CSMD1: variants seen among roughly 807,000 people sequenced by gnomAD.
The protein encoded by CSMD1 is CUB and sushi domain-containing protein 1.
CSMD1 carries 213 observed loss-of-function variants against 417.5 expected under a neutral mutation model. The observed-to-expected ratio is 0.51, with a 90% CI of 0.46 to 0.57. The LOEUF is 0.57. Among genes scored for constraint, CSMD1 ranks in the 20% least tolerant of loss-of-function variants. The pLI is 0.00. For missense variants in CSMD1, 6,923 were observed against 4,529.7 expected (o/e 1.53, Z -15.17); for synonymous variants, 2,862 against 1,736.8 (o/e 1.65, Z -16.11).
chr8:4,329,966 G>A (rs375719622), intron 3 of CSMD1, among the ~76,000 whole-genome samples: 9 of 152,100 alleles, frequency 5.9e-5, no homozygotes, highest in African/African-American at 1.9e-4. Context: ...AGCTCCCTGA[G>A]GTCTCCCCAA....
At chr8:3,826,724 G>C (rs147593863) in intron 5 of CSMD1, among the ~76,000 whole-genome samples, 2 of 152,150 alleles carry the variant, frequency 1.3e-5, no homozygotes, top group African/African-American at 4.8e-5. Context: ...CAAAGAAAGA[G>C]TTTGTACTGA....
intron 26 of CSMD1, among the ~76,000 whole-genome samples, chr8:3,251,748 G>T (rs921342623): frequency 9.2e-5 from 14 of 152,024 alleles, no homozygotes; most frequent in African/African-American, 3.4e-4. Context: ...ATTGAGCAGT[G>T]GATTGTAGTT....
intron 2 of CSMD1, among the ~76,000 whole-genome samples, chr8:4,426,325 A>C (rs996340933): frequency 6.6e-6 from 1 of 151,024 alleles, no homozygotes; most frequent in Non-Finnish European, 1.5e-5. Flanking sequence ...AGTTTTTTTA[A>C]TTATGTAGTA....
intron 5 of CSMD1, among the ~76,000 whole-genome samples, chr8:3,913,585 T>C (rs192281149): frequency 1.8e-4 from 27 of 152,288 alleles, no homozygotes; most frequent in Non-Finnish European, 3.4e-4. Context: ...TGAGTTCCAG[T>C]GCATTTGCCC....
intron 25 of CSMD1, among the ~76,000 whole-genome samples, chr8:3,300,688 G>T (rs1804323402): frequency 6.6e-6 from 1 of 152,062 alleles, no homozygotes; most frequent in Non-Finnish European, 1.5e-5. Context: ...CAGGCCTGGT[G>T]GCTCACGCTT....
intron 3 of CSMD1, among the ~76,000 whole-genome samples, chr8:4,057,241 G>A (rs1442646263): frequency 1.3e-5 from 2 of 152,106 alleles, no homozygotes; most frequent in Non-Finnish European, 2.9e-5. Flanking sequence ...GGTGTGAGAT[G>A]GTATCTCATT....
intron 3 of CSMD1, among the ~76,000 whole-genome samples, chr8:4,100,238 G>T (rs987680603): frequency 1.3e-5 from 2 of 152,148 alleles, no homozygotes; most frequent in African/African-American, 2.4e-5. Flanking sequence ...CATACAGATG[G>T]AAAACAGTAG....
intron 3 of CSMD1, among the ~76,000 whole-genome samples, chr8:4,324,878 G>A (rs1052341177): frequency 6.6e-6 from 1 of 152,184 alleles, no homozygotes; most frequent in African/African-American, 2.4e-5. Context: ...TCAGGGTCCT[G>A]GATCCTCAAG....
chr8:3,952,547 G>C (rs1208207610), intron 5 of CSMD1, among the ~76,000 whole-genome samples: 1 of 152,090 alleles, frequency 6.6e-6, no homozygotes, highest in Non-Finnish European at 1.5e-5. Context: ...TTTTTTAACA[G>C]TATAAATTCA....
At chr8:3,837,585 A>C (rs1180592833) in intron 5 of CSMD1, among the ~76,000 whole-genome samples, 1 of 152,174 alleles carries the variant, frequency 6.6e-6, no homozygotes, top group Admixed American at 6.6e-5. Context: ...ATGACTGACA[A>C]GTAAGTTTAG....
At chr8:4,312,491 C>T (rs547352877) in intron 3 of CSMD1, among the ~76,000 whole-genome samples, 2 of 141,616 alleles carry the variant, frequency 1.4e-5, no homozygotes, top group African/African-American at 5.9e-5. Flanking sequence ...ACATATAGAA[C>T]TCTATGTTTC....
intron 10 of CSMD1, among the ~76,000 whole-genome samples, chr8:3,570,364 G>C (rs1046245125): frequency 1.3e-5 from 2 of 152,032 alleles, no homozygotes; most frequent in South Asian, 4.1e-4. Flanking sequence ...TTCTTTCCTT[G>C]GCTCCGTGGC....
At chr8:3,872,209 ACTTCATTCTGGT>A (rs1805524105) in intron 5 of CSMD1, among the ~76,000 whole-genome samples, 1 of 152,110 alleles carries the variant, frequency 6.6e-6, no homozygotes, top group Non-Finnish European at 1.5e-5. Context: ...GAGATCGTAT[ACTTCATTCTGGT>A]TGTTGTCGTT....
intron 3 of CSMD1, among the ~76,000 whole-genome samples, chr8:4,176,107 T>A (rs951305801): frequency 6.6e-6 from 1 of 152,056 alleles, no homozygotes; most frequent in Admixed American, 6.5e-5. Context: ...TACCTTCTTG[T>A]AGACAGAAAG....
chr8:4,062,557 G>T lies in CSMD1; in HGVS notation c.416-30458C>A, dbSNP rs60376681. On this transcript the variant is annotated intron_variant, in intron 3 of 69. Transcript: ENST00000635120. Reference sequence around the variant, plus strand: ...GTGGCATTGACATGAACAACATTTCGTGAAACATATCCTATAAAAGTTTTC... The same window carrying T: ...GTGGCATTGACATGAACAACATTTCTTGAAACATATCCTATAAAAGTTTTC... 2.6e-3 allele frequency among the ~76,000 whole-genome samples: 400 copies of T among 152,128 alleles called. 5 individuals are homozygous for T. The highest frequency in any genetic ancestry group is 0.01 in the Middle Eastern group (3 of 292).
intron 10 of CSMD1, among the ~76,000 whole-genome samples, chr8:3,496,591 G>T (rs763621234): frequency 3.9e-5 from 6 of 152,150 alleles, no homozygotes; most frequent in African/African-American, 1.4e-4. Flanking sequence ...ACTTTGGGAG[G>T]CCGAGGAGGG....
At chr8:3,477,712 G>T (rs1585223096) in intron 11 of CSMD1, among the ~76,000 whole-genome samples, 1 of 152,178 alleles carries the variant, frequency 6.6e-6, no homozygotes, top group Non-Finnish European at 1.5e-5. Context: ...TTAAGCTCTG[G>T]AAGGCCATAT....
intron 1 of CSMD1, among the ~76,000 whole-genome samples, chr8:4,875,498 T>A (rs1802990478): frequency 1.3e-5 from 2 of 152,148 alleles, no homozygotes; most frequent in Middle Eastern, 3.4e-3. Context: ...CTTGAGCAAC[T>A]CCATGAGATG....
At chr8:3,905,380 G>A (rs1808045838) in intron 5 of CSMD1, among the ~76,000 whole-genome samples, 1 of 152,128 alleles carries the variant, frequency 6.6e-6, no homozygotes, top group Non-Finnish European at 1.5e-5. Flanking sequence ...GATTTTCTTA[G>A]TAACTGTAAA....
Sources: gnomAD v4.1 joint callset for allele counts (sites outside exome capture counted in the v4.1 genomes callset) on GRCh38, gnomAD v4.1.1 for gene constraint, MANE v1.5 for transcripts, NCBI Gene and HGNC (gene_info 2026-07-23, HGNC 2026-07-21) for gene names.